Variants in NXN observed in about 807,000 individuals in gnomAD.
The protein encoded by NXN is nucleoredoxin.
In NXN, 16 loss-of-function variants were observed where a neutral mutation model predicts 48.6. That is an observed-to-expected ratio of 0.33 (90% CI 0.22 to 0.50). The LOEUF is 0.50. Among genes scored for constraint, NXN ranks in the 20% least tolerant of loss-of-function variants. The probability of loss-of-function intolerance (pLI) is 0.98; values close to 1 mark genes in which losing one functional copy is unlikely to be tolerated. For missense variants in NXN, 492 were observed against 605.5 expected, an observed-to-expected ratio of 0.81 and a Z score of 1.97; for synonymous variants, 281 against 269.6, an observed-to-expected ratio of 1.04 and a Z score of -0.41.
chr17:834,058 G>A (rs544061423), intron 1 of NXN, among the ~76,000 whole-genome samples: 10 of 152,196 alleles, frequency 6.6e-5, no homozygotes, highest in African/African-American at 1.9e-4. Flanking sequence ...GGTGGCTCAC[G>A]CCTGGAATCC....
Position 920,333 on chromosome 17 carries a change from G to C in NXN, c.360+58986C>G, listed in dbSNP as rs931976411. 2.6e-5 allele frequency among the ~76,000 whole-genome samples: 4 copies of C among 152,124 alleles called. No individual in the cohort carries two copies. Among genetic ancestry groups the C allele is most frequent in the Non-Finnish European group, 4.4e-5 (3 of 68,026 alleles). ...GTGATTGTTCAAATTCAGCCAAGGG[G>C]GCCGATGAGGTGCCCATGTGGCTCT... On this transcript the variant is annotated intron_variant, in intron 1 of 7. Coordinates refer to ENST00000336868, the MANE Select transcript of NXN (RefSeq NM_022463.5). This position sits in a 1 kb window ranked among gnomAD's most constrained non-coding sequence, Gnocchi z 4.6.
At chr17:895,381 A>C (rs1014893232) in intron 1 of NXN, among the ~76,000 whole-genome samples, 2 of 152,046 alleles carry the variant, frequency 1.3e-5, no homozygotes, top group African/African-American at 4.8e-5. Context: ...TACCCAAAGA[A>C]GCAAAAAAAT....
chr17:854,960 A>G (rs2067970001), intron 1 of NXN, among the ~76,000 whole-genome samples: 2 of 149,280 alleles, frequency 1.3e-5, no homozygotes, highest in Non-Finnish European at 1.5e-5. Context: ...CTCCGTCTCA[A>G]AAAAAAAAAA....
Position 825,896 on chromosome 17 carries a change from C to T in NXN, c.478+65G>A, listed in dbSNP as rs1447355535. The T allele has an allele frequency of 9.6e-7, 1 of 1,038,966 alleles. No individual in the cohort carries two copies. The highest frequency in any genetic ancestry group is 1.5e-6 in the Non-Finnish European group (1 of 679,476). 64.4% of individuals were successfully genotyped at this position (1,038,966 alleles called of 1,614,324 possible). On this transcript the variant is annotated intron_variant, in intron 2 of 7. Coordinates refer to ENST00000336868, the MANE Select transcript of NXN (RefSeq NM_022463.5). This position sits in a 1 kb window ranked among gnomAD's most constrained non-coding sequence, Gnocchi z 4.1. ...TCTCCACCGGTGGGACGGAGATTAG[C>T]CTAAGGGCATGGAGGAGGGAGGGCT...
intron 1 of NXN, among the ~76,000 whole-genome samples, chr17:911,622 C>A (rs1393548249): frequency 6.6e-6 from 1 of 151,894 alleles, no homozygotes; most frequent in African/African-American, 2.4e-5. Flanking sequence ...CACCACCACA[C>A]CCGGCTAATT....
intron 1 of NXN, among the ~76,000 whole-genome samples, chr17:872,426 G>A (rs756228732): frequency 3.3e-5 from 5 of 151,950 alleles, no homozygotes; most frequent in Non-Finnish European, 5.9e-5. Flanking sequence ...AGAGGAACAC[G>A]TCAATCAAAG....
At chr17:803,515 C>T (rs1164373179) in intron 7 of NXN, among the ~76,000 whole-genome samples, 167 bp downstream of exon 7, 3 of 152,214 alleles carry the variant, frequency 2.0e-5, no homozygotes, top group Non-Finnish European at 4.4e-5. Flanking sequence ...AATGGTTTTC[C>T]ATGGCGAATG....
intron 1 of NXN, among the ~76,000 whole-genome samples, chr17:946,447 G>A (rs947011337): frequency 2.6e-5 from 4 of 152,196 alleles, no homozygotes; most frequent in South Asian, 2.1e-4. Context: ...GATAACAGGC[G>A]TGAGCCACCA....
intron 1 of NXN, among the ~76,000 whole-genome samples, chr17:833,664 TA>T (rs1913622646): frequency 1.3e-5 from 2 of 152,130 alleles, no homozygotes; most frequent in East Asian, 3.9e-4. Context: ...ACAGAGTTCA[TA>T]AATCCCCCTG....
At chr17:815,777 G>A (rs535822) in intron 5 of NXN, among the ~76,000 whole-genome samples, 2 of 152,026 alleles carry the variant, frequency 1.3e-5, no homozygotes, top group Admixed American at 1.3e-4. Context: ...TGGCCTGAAC[G>A]TTTAACGTGC....
At chr17:889,697 GAAAA>G (rs1363527693) in intron 1 of NXN, among the ~76,000 whole-genome samples, 10 of 110,458 alleles carry the variant, frequency 9.1e-5, no homozygotes, top group Middle Eastern at 8.5e-3. Context: ...AAGAAAGAAA[GAAAA>G]AGAAAGAAAG....
chr17:896,862 C>T (rs1031827741), intron 1 of NXN: 9 of 575,930 alleles, frequency 1.6e-5, no homozygotes, highest in African/African-American at 6.2e-5. Flanking sequence ...TGACCACCCG[C>T]CCCCGGCCCC....
At chr17:889,761 A>AAG (rs1555619043) in intron 1 of NXN, among the ~76,000 whole-genome samples, 28,871 of 69,418 alleles carry the variant, frequency 0.42, 3,830 homozygotes, top group South Asian at 0.46. Context: ...GAAAGAAAGA[A>AAG]AAAGAAAGAA....
chr17:822,055 C>T (rs1433143381), intron 4 of NXN, among the ~76,000 whole-genome samples: 1 of 151,914 alleles, frequency 6.6e-6, no homozygotes, highest in South Asian at 2.1e-4. Context: ...CCAAGGTGGG[C>T]GCCTCATGAG....
intron 1 of NXN, among the ~76,000 whole-genome samples, chr17:843,028 GA>G (rs1914447742): frequency 7.1e-6 from 1 of 141,156 alleles, no homozygotes; most frequent in African/African-American, 2.9e-5. Flanking sequence ...AAGAAAGAAA[GA>G]AAGAAAGAAA....
At chr17:879,376 G>A (rs986640860) in intron 1 of NXN, among the ~76,000 whole-genome samples, 4 of 149,000 alleles carry the variant, frequency 2.7e-5, no homozygotes, top group Non-Finnish European at 4.4e-5. Context: ...TATAGCCTCC[G>A]TCTCCCAGGT....
intron 5 of NXN, among the ~76,000 whole-genome samples, chr17:812,748 G>GT (rs1912176765): frequency 2.4e-5 from 3 of 122,584 alleles, no homozygotes; most frequent in African/African-American, 9.4e-5. Flanking sequence ...GTGCGTGAGT[G>GT]AGAGTGTGCA....
intron 1 of NXN, among the ~76,000 whole-genome samples, chr17:872,232 G>C (rs529467751): frequency 5.3e-5 from 8 of 150,580 alleles, no homozygotes; most frequent in African/African-American, 1.5e-4. Flanking sequence ...GGGAGAGAGA[G>C]AGAGACGGAG....
intron 1 of NXN, among the ~76,000 whole-genome samples, chr17:861,941 C>A (rs2144781203): frequency 6.6e-6 from 1 of 152,162 alleles, no homozygotes; most frequent in East Asian, 1.9e-4. Context: ...GCAATCCTCT[C>A]ACCTCAGCCT....
Sources: allele counts gnomAD v4.1 joint callset (sites outside exome capture counted in the v4.1 genomes callset), GRCh38; gene constraint gnomAD v4.1.1; non-coding constraint Gnocchi (gnomAD v3.1); transcripts MANE v1.5; gene names NCBI Gene and HGNC (gene_info 2026-07-23, HGNC 2026-07-21).